LAMP5: variants seen among roughly 807,000 people sequenced by gnomAD.
LAMP5 encodes lysosome associated membrane protein 5, also known as lysosome-associated membrane glycoprotein 5.
In LAMP5, 36 loss-of-function variants were observed where a neutral mutation model predicts 30.2. That is an observed-to-expected ratio of 1.19 (90% CI 0.91 to 1.57). The LOEUF (loss-of-function observed/expected upper bound fraction) is 1.57. LAMP5 is among the 40% of genes most tolerant of loss of function. The pLI, the probability that LAMP5 is intolerant of heterozygous loss-of-function variation, is 0.00. For missense variants in LAMP5, 377 were observed against 354.9 expected (o/e 1.06, Z -0.50); for synonymous variants, 149 against 134.6 (o/e 1.11, Z -0.74).
chr20:9,527,911 C>A (rs1183487473), intron 5 of LAMP5, among the ~76,000 whole-genome samples: 2 of 152,124 alleles, frequency 1.3e-5, no homozygotes, highest in Non-Finnish European at 2.9e-5. Flanking sequence ...GATCTAGATG[C>A]TGGTTACATG....
chr20:9,526,906 A>G (rs1308379674), intron 5 of LAMP5, among the ~76,000 whole-genome samples: 1 of 143,996 alleles, frequency 6.9e-6, no homozygotes, highest in Non-Finnish European at 1.5e-5. Context: ...ATATATACAC[A>G]CACATACAAA....
At chr20:9,523,382 C>T (rs78924171) in intron 5 of LAMP5, among the ~76,000 whole-genome samples, 1 of 152,086 alleles carries the variant, frequency 6.6e-6, no homozygotes, top group Non-Finnish European at 1.5e-5. Context: ...CTTCCCATTG[C>T]CTATCCCAAT....
intron 5 of LAMP5, among the ~76,000 whole-genome samples, chr20:9,524,835 T>C (rs1397096716): frequency 3.9e-5 from 6 of 152,182 alleles, no homozygotes; most frequent in African/African-American, 1.4e-4. Context: ...AGCCTCACAT[T>C]AGACAAAGTC....
At position 9,527,221 on chromosome 20, in the gene LAMP5, T is replaced by C. The variant is rs140339788; in HGVS notation, c.665-2421T>C. 1.8e-4 allele frequency among the ~76,000 whole-genome samples: 27 copies of C among 152,180 alleles called. No individual in the cohort carries two copies. In the East Asian group the frequency reaches 5.0e-3, roughly 28 times the overall value. On this transcript the variant is annotated intron_variant, in intron 5 of 5. Coordinates refer to ENST00000246070, the MANE Select transcript of LAMP5 (RefSeq NM_012261.4). ...GGTCTGTTAAGTGCTGCCCCAACTA[T>C]AGTGTTAAGTTGTTTGAGTTCAGAT...
In LAMP5 at chr20:9,517,509, A is replaced by G. The variant is rs556461834; in HGVS notation, c.476-531A>G. Among the ~76,000 whole-genome samples, 3 of 152,028 alleles carry G rather than the reference A, an allele frequency of 2.0e-5. No homozygotes were observed. The South Asian group carries it at 6.2e-4, about 32-fold the overall frequency. ...GTGGAGGGCAGTGGCACCACCATAG[A>G]TCACCACAGCCTGGAGTAAGCTACT... On this transcript the variant is annotated intron_variant, in intron 4 of 5. Coordinates refer to ENST00000246070, the MANE Select transcript of LAMP5 (RefSeq NM_012261.4).
intron 2 of LAMP5, 35 bp downstream of exon 2, chr20:9,515,660 A>G (rs1007787208): frequency 1.2e-5 from 20 of 1,602,640 alleles, no homozygotes; most frequent in Non-Finnish European, 1.5e-5. Context: ...GCTTGCTCCT[A>G]GGGCTCCAGG....
At chr20:9,524,036 T>G (rs1234806175) in intron 5 of LAMP5, among the ~76,000 whole-genome samples, 1 of 152,238 alleles carries the variant, frequency 6.6e-6, no homozygotes, top group South Asian at 2.1e-4. Context: ...CCCGTGACTG[T>G]CACCAATAGA....
chr20:9,515,873 G>A, intron 2 of LAMP5, 127 bp from the exon 3 acceptor site: 3 of 1,172,722 alleles, frequency 2.6e-6, no homozygotes, highest in Non-Finnish European at 3.5e-6. Context: ...CATGTTCCCG[G>A]AACCTGGGAT....
At chr20:9,522,457 A>G (rs923524087) in intron 5 of LAMP5, among the ~76,000 whole-genome samples, 8 of 152,202 alleles carry the variant, frequency 5.3e-5, no homozygotes, top group East Asian at 1.9e-4. Context: ...GCCACCCTAC[A>G]TAGTTGGTCC....
At chr20:9,522,972 C>CTTTTTTTT (rs60017722) in intron 5 of LAMP5, among the ~76,000 whole-genome samples, 22 of 104,160 alleles carry the variant, frequency 2.1e-4, no homozygotes, top group African/African-American at 5.2e-4. Context: ...ATACTTAAAT[C>CTTTTTTTT]TTTTTTTTTT....
At position 9,529,748 on chromosome 20, in the gene LAMP5, C is replaced by T. The variant is rs754004900; in HGVS notation, c.771C>T (p.His257=). The change falls in exon 6 of 6, where the codon CAC becomes CAT. Residue 257 remains histidine, a synonymous_variant. Transcript: ENST00000246070. ...LVIMVTLAIY[H]VHHKMTANQV... ...TCATGGTAACACTCGCGATTTACCA[C>T]GTCCACCACAAAATGACTGCCAACC... 5.6e-6 allele frequency: 9 copies of T among 1,614,218 alleles called. No homozygotes were observed. Among genetic ancestry groups the T allele is most frequent in the Admixed American group, 3.3e-5 (2 of 60,024 alleles).
chr20:9,525,352 C>G (rs1460624743), intron 5 of LAMP5, among the ~76,000 whole-genome samples: 1 of 152,150 alleles, frequency 6.6e-6, no homozygotes, highest in East Asian at 1.9e-4. Context: ...CTACTCTGTG[C>G]CAGGCACTGT....
intron 5 of LAMP5, among the ~76,000 whole-genome samples, chr20:9,526,605 T>A (rs1296789940): frequency 2.0e-5 from 3 of 152,112 alleles, no homozygotes; most frequent in Non-Finnish European, 4.4e-5. Flanking sequence ...GCAATGGATG[T>A]ATTGATCCAG....
rs940891108 is a variant in LAMP5, at chr20:9,530,074, C to T, written c.*254C>T. The T allele has an allele frequency of 3.2e-5, 11 of 342,342 alleles. No individual in the cohort carries two copies. Among genetic ancestry groups the T allele is most frequent in the Admixed American group, 1.3e-4 (3 of 23,926 alleles). 21.2% of individuals were successfully genotyped at this position (342,342 alleles called of 1,614,324 possible). ...GGGGAGGAGGGTCTCAGACAGCTTT[C>T]GTGCTCATGGTGGCTTGGCTTTGAC... On this transcript the variant is annotated 3_prime_UTR_variant, in exon 6 of 6. Coordinates refer to ENST00000246070, the MANE Select transcript of LAMP5 (RefSeq NM_012261.4).
chr20:9,514,913 T>C lies in LAMP5; in HGVS notation c.61T>C (p.Phe21Leu). 1 of 1,614,094 alleles carries C rather than the reference T, an allele frequency of 6.2e-7. No homozygotes were observed. Among genetic ancestry groups the C allele is most frequent in the Non-Finnish European group, 8.5e-7 (1 of 1,179,952 alleles). The change falls in exon 1 of 6, where the codon TTC (phenylalanine) becomes CTC (leucine). Residue 21 changes from phenylalanine to leucine, a missense_variant. Coordinates refer to ENST00000246070, the MANE Select transcript of LAMP5 (RefSeq NM_012261.4). Reference protein sequence around the residue: ...IDRLRVLLMLFHTMAQIMAEQ... With the variant: ...IDRLRVLLMLLHTMAQIMAEQ... ...CAGACTTCGAGTTCTCCTGATGTTG[T>C]TCCGTGAGTAGCGATTTGGCGACTG...
Position 9,514,656 on chromosome 20 carries a change from G to C in LAMP5, c.-197G>C. On this transcript the variant is annotated 5_prime_UTR_variant, in exon 1 of 6. Coordinates refer to ENST00000246070, the MANE Select transcript of LAMP5 (RefSeq NM_012261.4). ...CCTTTCCTCCGCAGTGAGCCGATTT[G>C]CTCTGCCAGCAGCTGTCGGTGCCGC... The C allele has an allele frequency of 2.3e-6, 1 of 438,316 alleles. No individual in the cohort carries two copies. The highest frequency in any genetic ancestry group is 2.1e-5 in the South Asian group (1 of 48,036). The allele number at this position is 438,316 out of a possible 1,614,324, so 27.2% of individuals were successfully genotyped here.
chr20:9,525,563 T>G lies in LAMP5; in HGVS notation c.665-4079T>G, dbSNP rs117945411. 1.3e-4 allele frequency among the ~76,000 whole-genome samples: 20 copies of G among 152,356 alleles called. No individual in the cohort carries two copies. In the East Asian group the frequency reaches 3.5e-3, roughly 26 times the overall value. ...CATCTACTCCCTCTTGATGTGATGA[T>G]CTGGATCTATGGAGACCACTAAAAG... is the stretch of plus-strand genomic sequence containing the variant. On this transcript the variant is annotated intron_variant, in intron 5 of 5. Coordinates refer to ENST00000246070, the MANE Select transcript of LAMP5 (RefSeq NM_012261.4).
At chr20:9,525,860 T>G (rs1198166284) in intron 5 of LAMP5, among the ~76,000 whole-genome samples, 1 of 152,192 alleles carries the variant, frequency 6.6e-6, no homozygotes, top group African/African-American at 2.4e-5. Flanking sequence ...CTACATAAGC[T>G]CTTGCTCCCA....
At chr20:9,522,309 C>T (rs905714086) in intron 5 of LAMP5, among the ~76,000 whole-genome samples, 7 of 152,174 alleles carry the variant, frequency 4.6e-5, no homozygotes, top group Non-Finnish European at 1.0e-4. Flanking sequence ...ATGAACATGG[C>T]TGACATTTCT....
Sources: gnomAD v4.1 joint callset for allele counts (sites outside exome capture counted in the v4.1 genomes callset) on GRCh38, gnomAD v4.1.1 for gene constraint, MANE v1.5 for transcripts, NCBI Gene and HGNC (gene_info 2026-07-23, HGNC 2026-07-21) for gene names.